Variants in TMEM254 observed in about 807,000 individuals in gnomAD.
The protein encoded by TMEM254 is transmembrane protein 254, also known as transmembrane protein C10orf57.
In TMEM254, 16 loss-of-function variants were observed where a neutral mutation model predicts 13.9. The observed-to-expected ratio is 1.15, with a 90% confidence interval of 0.78 to 1.75. TMEM254 has a LOEUF of 1.75. TMEM254 is among the 40% of genes most tolerant of loss of function. The pLI is 0.00. For missense variants in TMEM254, 155 were observed against 149.0 expected (o/e 1.04, Z -0.21); for synonymous variants, 61 against 56.4 (o/e 1.08, Z -0.36).
At chr10:80,079,427 G>A (rs1564565688) in intron 1 of TMEM254, 2 of 1,074,974 alleles carry the variant, frequency 1.9e-6, no homozygotes, top group East Asian at 1.6e-4. Context: ...TCACGAAGCG[G>A]AAAGTCAAGT....
At position 80,089,678 on chromosome 10, in the gene TMEM254, T is replaced by TGG. The variant is rs112486443; in HGVS notation, c.252-1113_252-1112dup. On this transcript the variant is annotated intron_variant, in intron 3 of 3. Coordinates refer to ENST00000372281, the MANE Select transcript of TMEM254 (RefSeq NM_025125.4). The stretch of plus-strand genomic sequence containing the variant: ...AGGTGACAGAGTGAGACCCCATCTC[T>TGG]GGGGGGGTTGGAAAAAGAATGGATG... Among the ~76,000 whole-genome samples, 212 of 147,814 alleles carry TGG rather than the reference T, an allele frequency of 1.4e-3. 1 individual carries two copies. The highest frequency in any genetic ancestry group is 3.4e-3 in the South Asian group (15 of 4,376).
Position 80,078,736 on chromosome 10 carries a change from G to C in TMEM254, c.37G>C (p.Gly13Arg), listed in dbSNP as rs1843777940. The change falls in exon 1 of 4, where the codon GGC (glycine) becomes CGC (arginine). Residue 13 changes from glycine (G) to arginine (R), a missense_variant. Coordinates refer to ENST00000372281, the MANE Select transcript of TMEM254 (RefSeq NM_025125.4). ...TAAGATYFQRGSLFWFTVITL... is the reference protein window; with the variant it reads ...TAAGATYFQRRSLFWFTVITL... ...AGCCGGCGCGACCTACTTTCAGCGA[G>C]GCAGTCTGTTCTGGTTCACAGTCAT... 6.2e-7 allele frequency: 1 copy of C among 1,608,580 alleles called. No individual in the cohort carries two copies. The highest frequency in any genetic ancestry group is 1.7e-5 in the Admixed American group (1 of 59,596).
chr10:80,082,187 T>A lies in TMEM254; in HGVS notation c.234T>A (p.Tyr78Ter). 1 of 1,614,238 alleles carries A rather than the reference T, an allele frequency of 6.2e-7. No homozygotes were observed. The highest frequency in any genetic ancestry group is 8.5e-7 in the Non-Finnish European group (1 of 1,180,042). ...TGATTCATGTGGGAGAGTCCTTGTA[T>A]GCCATAGTATTGTGCAAGTAAGTCT... ...AWLIHVGESL[Y>*]AIVLCKHKGI... The change falls in exon 3 of 4, where the codon TAT (tyrosine) becomes TAA (stop). Residue 78 changes from tyrosine (Y) to a stop codon, truncating the protein, a stop_gained. Coordinates refer to ENST00000372281, the MANE Select transcript of TMEM254 (RefSeq NM_025125.4). LOFTEE classifies it high-confidence loss of function.
At chr10:80,084,382 C>T (rs961951048) in intron 3 of TMEM254, among the ~76,000 whole-genome samples, 7 of 152,096 alleles carry the variant, frequency 4.6e-5, no homozygotes, top group Admixed American at 2.6e-4. Context: ...GTACAGGGTC[C>T]CTTTTAAACC....
chr10:80,081,845 T>C lies in TMEM254; in HGVS notation c.92T>C (p.Val31Ala). ...GTGTCTCTGCTTCTCTTTCAGTGGG[T>C]TGTCTTCTGGCCTCAGAGTATCCCT... ...ITLSFGYYTW[V>A]VFWPQSIPYQ... Residue 31 changes from valine to alanine, a missense_variant, in exon 2 of 4, where the codon GTT (valine) becomes GCT (alanine). By Grantham distance (64) the Val-to-Ala change is moderately conservative. Coordinates refer to ENST00000372281, the MANE Select transcript of TMEM254 (RefSeq NM_025125.4). The C allele has an allele frequency of 6.2e-7, 1 of 1,614,212 alleles. No homozygotes were observed. The highest frequency in any genetic ancestry group is 2.2e-5 in the East Asian group (1 of 44,890).
chr10:80,088,014 T>G (rs144257363), intron 3 of TMEM254, among the ~76,000 whole-genome samples: 1 of 152,360 alleles, frequency 6.6e-6, no homozygotes, highest in African/African-American at 2.4e-5. Flanking sequence ...AGAATTTTTT[T>G]CTTTCACATT....
At chr10:80,082,932 T>C (rs1339899738) in intron 3 of TMEM254, among the ~76,000 whole-genome samples, 2 of 152,162 alleles carry the variant, frequency 1.3e-5, no homozygotes, top group Non-Finnish European at 1.5e-5. Flanking sequence ...AGATATACTA[T>C]CACCTCTATT....
intron 3 of TMEM254, among the ~76,000 whole-genome samples, chr10:80,083,061 A>G (rs1391543468): frequency 6.6e-6 from 1 of 151,108 alleles, no homozygotes; most frequent in African/African-American, 2.4e-5. Flanking sequence ...GTTAAATAGA[A>G]TGATCTTACT....
intron 1 of TMEM254, 121 bp from the exon 2 acceptor site, chr10:80,081,719 GT>G (rs1589380812): frequency 6.2e-7 from 1 of 1,607,914 alleles, no homozygotes; most frequent in Non-Finnish European, 8.5e-7. Flanking sequence ...CCAAATGACT[GT>G]TCAGAGTTTC....
In TMEM254 at chr10:80,088,231, T is replaced by G. The variant is rs4367887; in HGVS notation, c.252-2566T>G. Among the ~76,000 whole-genome samples the G allele has an allele frequency of 9.4e-3, 1,428 of 152,270 alleles. 26 individuals are homozygous for G. The highest frequency in any genetic ancestry group is 0.033 in the African/African-American group (1,379 of 41,556). On this transcript the variant is annotated intron_variant, in intron 3 of 3. Transcript: ENST00000372281. ...GTTTATCCTTGGGCTAACACAACAC[T>G]GTCTTAATAGCAGCAGCTTTATAAT...
At chr10:80,079,850 C>CT (rs1843882486) in intron 1 of TMEM254, among the ~76,000 whole-genome samples, 2 of 152,170 alleles carry the variant, frequency 1.3e-5, no homozygotes, top group African/African-American at 4.8e-5. Flanking sequence ...TGGGATTACA[C>CT]TATGCCCAGC....
rs534317149 is a variant in TMEM254, at chr10:80,085,739, A to C, written c.251+3535A>C. Reference sequence around the variant, plus strand: ...TGAAAGGTGCTGTAATTCTTGTTACATAACAATACTTTAACAAGAAAAATA... The same window carrying C: ...TGAAAGGTGCTGTAATTCTTGTTACCTAACAATACTTTAACAAGAAAAATA... On this transcript the variant is annotated intron_variant, in intron 3 of 3. Transcript: ENST00000372281. 1.2e-4 allele frequency among the ~76,000 whole-genome samples: 19 copies of C among 152,296 alleles called. No homozygotes were observed. The South Asian group carries it at 3.7e-3, about 30-fold the overall frequency.
chr10:80,080,401 C>T (rs190715067), intron 1 of TMEM254, among the ~76,000 whole-genome samples: 2 of 152,250 alleles, frequency 1.3e-5, no homozygotes, highest in Admixed American at 6.5e-5. Flanking sequence ...GTTAAGATTA[C>T]GAAAAATTTA....
At position 80,089,507 on chromosome 10, in the gene TMEM254, C is replaced by T. The variant is rs7084029; in HGVS notation, c.252-1290C>T. Among the ~76,000 whole-genome samples, 975 of 151,988 alleles carry T rather than the reference C, an allele frequency of 6.4e-3. 17 individuals are homozygous for T. Among genetic ancestry groups the T allele is most frequent in the African/African-American group, 0.022 (922 of 41,446 alleles). ...GCAACAAAGCAAGACACTGTCTCTA[C>T]AAAAAACAAACAAAAAACCTAGCCA... is the stretch of plus-strand genomic sequence containing the variant. On this transcript the variant is annotated intron_variant, in intron 3 of 3. Coordinates refer to ENST00000372281, the MANE Select transcript of TMEM254 (RefSeq NM_025125.4).
At chr10:80,090,502 T>G in intron 3 of TMEM254, 2 of 712,192 alleles carry the variant, frequency 2.8e-6, no homozygotes, top group Non-Finnish European at 5.2e-6. Context: ...TACCAGTGCT[T>G]TTTACTCCAT....
At chr10:80,081,767 T>G in intron 1 of TMEM254, 74 bp from the exon 2 acceptor site, 4 of 1,609,770 alleles carry the variant, frequency 2.5e-6, no homozygotes, top group Non-Finnish European at 3.4e-6. Context: ...TTTCACAGCC[T>G]TTCTCAAAAA....
chr10:80,081,590 C>T, intron 1 of TMEM254: 1 of 1,195,966 alleles, frequency 8.4e-7, no homozygotes, highest in Non-Finnish European at 1.2e-6. Flanking sequence ...ATGGATTGAG[C>T]CCAGATGGTG....
rs75859347 is a variant in TMEM254 at position 80,080,424 on chromosome 10, G to T, written c.88-1417G>T. On this transcript the variant is annotated intron_variant, in intron 1 of 3. Transcript: ENST00000372281. ...TACGAAAAATTTATGTGATTAAGCA[G>T]TTGCTATTAAAATGTCACAACCTTA... 4.8e-3 allele frequency among the ~76,000 whole-genome samples: 728 copies of T among 152,306 alleles called. 9 individuals carry two copies. The highest frequency in any genetic ancestry group is 0.017 in the African/African-American group (689 of 41,566).
chr10:80,078,813 G>A lies in TMEM254; in HGVS notation c.87+27G>A, dbSNP rs971860746. The A allele has an allele frequency of 3.8e-6, 6 of 1,578,662 alleles. No individual in the cohort carries two copies. The African/African-American group carries it at 8.1e-5, about 21-fold the overall frequency. On this transcript the variant is annotated intron_variant, in intron 1 of 3. Transcript: ENST00000372281. Reference sequence around the variant, plus strand: ...TAAGGACAGCCGCTGGAGCGCTACGGTCTGACGAACGAGCGAGCGCTCGGT... The same window carrying A: ...TAAGGACAGCCGCTGGAGCGCTACGATCTGACGAACGAGCGAGCGCTCGGT...
Sources: allele counts gnomAD v4.1 joint callset (sites outside exome capture counted in the v4.1 genomes callset), GRCh38; gene constraint gnomAD v4.1.1; transcripts MANE v1.5; gene names NCBI Gene and HGNC (gene_info 2026-07-23, HGNC 2026-07-21).